The following CCNY variants were observed in gnomAD, a reference collection of about 807,000 sequenced individuals.
The protein encoded by CCNY is cyclin Y.
CCNY carries 19 observed loss-of-function variants against 42.8 expected under a neutral mutation model. The ratio of observed to expected loss-of-function variants is 0.44; its 90% CI spans 0.31 to 0.65. The LOEUF is 0.65. CCNY is among the 30% of genes least tolerant of loss of function. CCNY has a pLI of 0.07. For missense variants in CCNY, 370 were observed against 437.3 expected, an observed-to-expected ratio of 0.85 and a Z score of 1.37; for synonymous variants, 165 against 162.7, an observed-to-expected ratio of 1.01 and a Z score of -0.11.
At chr10:35,263,144 T>C (rs12257716) in intron 3 of CCNY, among the ~76,000 whole-genome samples, 55,901 of 151,092 alleles carry the variant, frequency 0.37, 10,899 homozygotes, top group African/African-American at 0.5. Flanking sequence ...ATCACGAGGT[T>C]AGGGGATCGA....
At chr10:35,485,740 CAAAA>C (rs78533663) in intron 2 of CCNY, among the ~76,000 whole-genome samples, 4 of 114,640 alleles carry the variant, frequency 3.5e-5, no homozygotes, top group Non-Finnish European at 7.4e-5. Flanking sequence ...AAAAAAAAAA[CAAAA>C]AAAAAAAACA....
chr10:35,545,141 C>T (rs924452072), intron 7 of CCNY, among the ~76,000 whole-genome samples: 1 of 152,188 alleles, frequency 6.6e-6, no homozygotes, highest in African/African-American at 2.4e-5. Flanking sequence ...TTTGAACGTT[C>T]CCTGTTGTTA....
chr10:35,530,382 T>C lies in CCNY; in HGVS notation c.579+139T>C. 2 of 1,010,186 alleles carry C rather than the reference T, an allele frequency of 2.0e-6. No individual in the cohort carries two copies. Among genetic ancestry groups the C allele is most frequent in the South Asian group, 1.6e-5 (1 of 64,376 alleles). The allele number at this position is 1,010,186 out of a possible 1,614,324, so 62.6% of individuals were successfully genotyped here. ...GACACCGTGGCATAAGCTTCAGTGT[T>C]GTCGTTCTCCTGGGAGAATAGAGGA... On this transcript the variant is annotated intron_variant, in intron 7 of 9. Coordinates refer to ENST00000374704, the MANE Select transcript of CCNY (RefSeq NM_145012.6). This position sits in a 1 kb window ranked among gnomAD's most constrained non-coding sequence, Gnocchi z 4.3.
intron 3 of CCNY, among the ~76,000 whole-genome samples, chr10:35,330,218 C>T (rs114206731): frequency 0.022 from 3,357 of 152,264 alleles, 119 homozygotes; most frequent in African/African-American, 0.076. Flanking sequence ...AAGGAGCTTC[C>T]TATTCAGAGG....
intron 1 of CCNY, among the ~76,000 whole-genome samples, chr10:35,389,906 A>G (rs1263943224): frequency 6.6e-6 from 1 of 152,244 alleles, no homozygotes; most frequent in African/African-American, 2.4e-5. Context: ...GATATTGGTC[A>G]TGAGCATAGA....
chr10:35,476,650 A>G (rs992446876), intron 1 of CCNY, among the ~76,000 whole-genome samples: 4 of 151,176 alleles, frequency 2.6e-5, no homozygotes, highest in African/African-American at 9.8e-5. Context: ...GTAGAGGGAA[A>G]TTTATAGCAC....
intron 1 of CCNY, among the ~76,000 whole-genome samples, chr10:35,451,780 C>A (rs186244583): frequency 1.8e-4 from 28 of 152,284 alleles, no homozygotes; most frequent in African/African-American, 6.5e-4. Context: ...TACAACAGTG[C>A]AGCCCAGCAG....
intron 1 of CCNY, among the ~76,000 whole-genome samples, chr10:35,453,207 G>A (rs532822890): frequency 1.1e-4 from 17 of 152,272 alleles, no homozygotes; most frequent in Admixed American, 1.1e-3. Context: ...AAAGTGCTGG[G>A]ATTACAGATG....
intron 4 of CCNY, among the ~76,000 whole-genome samples, chr10:35,517,329 T>A (rs1840450893): frequency 6.6e-6 from 1 of 152,244 alleles, no homozygotes; most frequent in Non-Finnish European, 1.5e-5. Context: ...ATGGTAATAA[T>A]GACCCTTGGC....
chr10:35,257,890 G>A (rs185212798), intron 3 of CCNY, among the ~76,000 whole-genome samples: 5 of 152,278 alleles, frequency 3.3e-5, no homozygotes, highest in Admixed American at 3.3e-4. Flanking sequence ...ACTTGGTGGT[G>A]TCCCACAAGT....
At chr10:35,513,699 G>A (rs957456934) in intron 3 of CCNY, among the ~76,000 whole-genome samples, 4 of 152,248 alleles carry the variant, frequency 2.6e-5, no homozygotes, top group Admixed American at 1.3e-4. Context: ...CCCAGGCCAC[G>A]CAGCTAGTTA....
At chr10:35,507,526 C>T (rs1385281415) in intron 3 of CCNY, among the ~76,000 whole-genome samples, 1 of 152,096 alleles carries the variant, frequency 6.6e-6, no homozygotes, top group African/African-American at 2.4e-5. Context: ...TTCCTAAGAC[C>T]AAGGCTATTC....
At chr10:35,331,733 C>T (rs527285639), upstream of CCNY, among the ~76,000 whole-genome samples, 41 of 152,250 alleles carry the variant, frequency 2.7e-4, no homozygotes, top group East Asian at 5.8e-4. Flanking sequence ...TTTATTTGGA[C>T]GCACAATTTC....
rs1188862369 is a variant in CCNY, at chr10:35,461,914, G to A, written c.155-21490G>A. Among the ~76,000 whole-genome samples, 3 of 151,996 alleles carry A rather than the reference G, an allele frequency of 2.0e-5. No homozygotes were observed. The East Asian group carries it at 5.8e-4, about 29-fold the overall frequency. Reference sequence around the variant, plus strand: ...CGTAAATGCATAAATAAATCTCTCTGTGGATTTTCTGTTTTTTTTTCTCCC... The same window carrying A: ...CGTAAATGCATAAATAAATCTCTCTATGGATTTTCTGTTTTTTTTTCTCCC... On this transcript the variant is annotated intron_variant, in intron 1 of 9. Coordinates refer to ENST00000374704, the MANE Select transcript of CCNY (RefSeq NM_145012.6).
chr10:35,565,964 C>G, intron 8 of CCNY, 59 bp from the exon 9 acceptor site: 1 of 1,537,780 alleles, frequency 6.5e-7, no homozygotes, highest in Admixed American at 2.0e-5. Context: ...CTTGCCTTGG[C>G]AGGCCACGTG....
intron 1 of CCNY, among the ~76,000 whole-genome samples, chr10:35,424,411 A>C (rs1043010290): frequency 2.0e-5 from 3 of 152,178 alleles, no homozygotes; most frequent in Non-Finnish European, 4.4e-5. Context: ...TTTTTAGTAG[A>C]GACGGGGTTT....
chr10:35,378,688 G>C (rs1837109419), intron 1 of CCNY, among the ~76,000 whole-genome samples: 1 of 152,060 alleles, frequency 6.6e-6, no homozygotes, highest in Non-Finnish European at 1.5e-5. Context: ...GAGTCAGGAT[G>C]GCTTGCAGAG....
At chr10:35,507,259 A>G (rs1029968979) in intron 3 of CCNY, among the ~76,000 whole-genome samples, 1 of 152,210 alleles carries the variant, frequency 6.6e-6, no homozygotes, top group Admixed American at 6.5e-5. Flanking sequence ...GACTTTATAT[A>G]TACATATATA....
At chr10:35,302,537 C>T (rs1348615220) in intron 3 of CCNY, among the ~76,000 whole-genome samples, 1 of 152,004 alleles carries the variant, frequency 6.6e-6, no homozygotes, top group Non-Finnish European at 1.5e-5. Flanking sequence ...TCTCGAACTC[C>T]TGACCTCAGG....
Sources: allele counts gnomAD v4.1 joint callset (sites outside exome capture counted in the v4.1 genomes callset), GRCh38; gene constraint gnomAD v4.1.1; non-coding constraint Gnocchi (gnomAD v3.1); transcripts MANE v1.5; gene names NCBI Gene and HGNC (gene_info 2026-07-23, HGNC 2026-07-21).